SHOX: variants seen among roughly 807,000 people sequenced by gnomAD.
The protein encoded by SHOX is short stature homeobox protein.
In SHOX, 12 loss-of-function variants were observed where a neutral mutation model predicts 29.6. The observed-to-expected ratio is 0.41, with a 90% confidence interval of 0.26 to 0.66. SHOX has a LOEUF of 0.66. Ranked by LOEUF, SHOX falls within the 30% of genes least tolerant of loss-of-function variation. The probability of loss-of-function intolerance (pLI) is 0.35; values close to 1 mark genes in which losing one functional copy is unlikely to be tolerated. For synonymous variants in SHOX, 214 were observed against 200.6 expected (o/e 1.07, Z -0.57); for missense variants, 499 against 437.7 (o/e 1.14, Z -1.25).
Position 651,397 on chromosome X carries a change from A to G in SHOX, c.*6761A>G, listed in dbSNP as rs951815042. The G allele has an allele frequency of 6.9e-6, 3 of 436,112 alleles. No homozygotes were observed. 27.0% of individuals were successfully genotyped at this position (436,112 alleles called of 1,614,324 possible). A position where few individuals can be genotyped will look rare whatever the true frequency, so the allele number is the denominator to read the frequency against. ...GCAGGCGGTGAGGGGTAGAAAAAAA[A>G]CAAACAAACAAACAGAAAAAAAAAC... On this transcript the variant is annotated 3_prime_UTR_variant, in exon 5 of 5. Transcript: ENST00000686671.
At chrX:636,244 C>A (rs2052745525) in intron 2 of SHOX, among the ~76,000 whole-genome samples, 1 of 142,052 alleles carries the variant, frequency 7.0e-6, no homozygotes, top group Non-Finnish European at 1.5e-5. Context: ...AATCTATAAA[C>A]ATATATAATA....
intron 1 of SHOX, among the ~76,000 whole-genome samples, chrX:625,551 CCT>C (rs960443856): frequency 7.3e-5 from 11 of 150,030 alleles, no homozygotes; most frequent in African/African-American, 2.5e-4. Flanking sequence ...CTCTTTCTCT[CCT>C]CTGTCTCTCT....
In SHOX at chrX:644,832, A is replaced by C; in HGVS notation, c.*196A>C. Reference sequence around the variant, plus strand: ...GCACGACCCAGCCAGACCCTCGCGGAGATGGTGCAGAAGGCGGAGCGGGTG... The same window carrying C: ...GCACGACCCAGCCAGACCCTCGCGGCGATGGTGCAGAAGGCGGAGCGGGTG... On this transcript the variant is annotated 3_prime_UTR_variant, in exon 5 of 5. Coordinates refer to ENST00000686671, the MANE Select transcript of SHOX (RefSeq NM_000451.4). 1 of 700,472 alleles carries C rather than the reference A, an allele frequency of 1.4e-6. No homozygotes were observed. Among genetic ancestry groups the C allele is most frequent in the Non-Finnish European group, 2.1e-6 (1 of 478,576 alleles). 43.4% of individuals were successfully genotyped at this position (700,472 alleles called of 1,614,324 possible). A position where few individuals can be genotyped will look rare whatever the true frequency, so the allele number is the denominator to read the frequency against.
At chrX:625,205 TCCTCCTCCTCCTCCTCCTTCTC>T (rs1476712192) in intron 1 of SHOX, among the ~76,000 whole-genome samples, 2 of 82,778 alleles carry the variant, frequency 2.4e-5, no homozygotes, top group African/African-American at 5.0e-5. Context: ...CTCCTCCTTC[TCCTCCTCCTCCTCCTCCTTCTC>T]CCTCCTCCTC....
intron 2 of SHOX, 32 bp downstream of exon 2, chrX:634,858 G>A (rs1325381727): frequency 1.4e-5 from 22 of 1,543,830 alleles, no homozygotes; most frequent in East Asian, 2.4e-5. Context: ...CGGGGGGCCC[G>A]GAGCCATCGC....
chrX:644,648 G>GC lies in SHOX; in HGVS notation c.*18dup, dbSNP rs1363317245. 2.6e-5 allele frequency: 38 copies of GC among 1,446,048 alleles called. No individual in the cohort carries two copies. The highest frequency in any genetic ancestry group is 3.2e-5 in the Non-Finnish European group (35 of 1,108,896). 89.6% of individuals were successfully genotyped at this position (1,446,048 alleles called of 1,614,324 possible). On this transcript the variant is annotated 3_prime_UTR_variant, in exon 5 of 5. Transcript: ENST00000686671. ...CCCTGGGGCTCTGACCCGCCGCGCAGCCCCCCGCGCGCCCGGACTCCCGGG... is the reference window on the plus strand; with the variant it reads ...CCCTGGGGCTCTGACCCGCCGCGCAGCCCCCCCGCGCGCCCGGACTCCCGGG...
rs1002724877 is a variant in SHOX at position 645,003 on chromosome X, GTC to G, written c.*369_*370del. 118 of 244,058 alleles carry G rather than the reference GTC, an allele frequency of 4.8e-4. 1 individual carries two copies. The highest frequency in any genetic ancestry group is 1.7e-3 in the African/African-American group (75 of 44,654). The allele number at this position is 244,058 out of a possible 1,614,324, so 15.1% of individuals were successfully genotyped here. On this transcript the variant is annotated 3_prime_UTR_variant, in exon 5 of 5. Transcript: ENST00000686671. Reference sequence around the variant, plus strand: ...TACACACGTTTGGAAGATCCTTAGAGTCTATTGAAACTGCAAAGATCCCGGAG... The same window carrying G: ...TACACACGTTTGGAAGATCCTTAGAGTATTGAAACTGCAAAGATCCCGGAG...
At chrX:657,195 C>T (rs1244135590) in intron 5 of SHOX, among the ~76,000 whole-genome samples, 2 of 152,184 alleles carry the variant, frequency 1.3e-5, no homozygotes, top group Admixed American at 6.6e-5. Flanking sequence ...GCAATTCACA[C>T]AGAAATCAGT....
Position 644,519 on chromosome X carries a change from C to G in SHOX, c.762C>G (p.Ala254=). 3.3e-6 allele frequency: 5 copies of G among 1,519,506 alleles called. No individual in the cohort carries two copies. Among genetic ancestry groups the G allele is most frequent in the Non-Finnish European group, 4.4e-6 (5 of 1,140,400 alleles). 94.1% of individuals were successfully genotyped at this position (1,519,506 alleles called of 1,614,324 possible). The change falls in exon 5 of 5, where the codon GCC becomes GCG. Residue 254 remains alanine (A), a synonymous_variant. Transcript: ENST00000686671. The part of the protein sequence containing the change: ...PPFGLPIASL[A]ESASAAAVVA... ...TCGGGCTGCCCATCGCGTCGCTGGC[C>G]GAGTCCGCCTCGGCCGCCGCCGTGG...
Position 640,987 on chromosome X carries a change from C to G in SHOX, c.545-12C>G. On this transcript the variant is annotated splice_polypyrimidine_tract_variant and intron_variant, in intron 3 of 4. Coordinates refer to ENST00000686671, the MANE Select transcript of SHOX (RefSeq NM_000451.4). ...GGACCACCACACTGACACCTGCTCC[C>G]TTTGGACACAGGCGTCATCTTGGGC... 6.2e-7 allele frequency: 1 copy of G among 1,613,862 alleles called. No homozygotes were observed. The highest frequency in any genetic ancestry group is 8.5e-7 in the Non-Finnish European group (1 of 1,179,876).
intron 2 of SHOX, among the ~76,000 whole-genome samples, chrX:636,947 A>ATATATATATATATATATAT (rs1569494124): frequency 1.3e-5 from 1 of 78,954 alleles, no homozygotes; most frequent in African/African-American, 6.4e-5. Context: ...TTCATTTAAA[A>ATATATATATATATATATAT]ATATATATAT....
chrX:642,510 TCCAGCTCTCCCTGG>T (rs2052873968), intron 4 of SHOX, among the ~76,000 whole-genome samples: 1 of 152,170 alleles, frequency 6.6e-6, no homozygotes, highest in African/African-American at 2.4e-5. Context: ...CCGCTAGCTC[TCCAGCTCTCCCTGG>T]CCCAGGCCCG....
chrX:651,397 A>C lies in SHOX; in HGVS notation c.*6761A>C, dbSNP rs951815042. Reference sequence around the variant, plus strand: ...GCAGGCGGTGAGGGGTAGAAAAAAAACAAACAAACAAACAGAAAAAAAAAC... The same window carrying C: ...GCAGGCGGTGAGGGGTAGAAAAAAACCAAACAAACAAACAGAAAAAAAAAC... On this transcript the variant is annotated 3_prime_UTR_variant, in exon 5 of 5. Coordinates refer to ENST00000686671, the MANE Select transcript of SHOX (RefSeq NM_000451.4). 9 of 436,212 alleles carry C rather than the reference A, an allele frequency of 2.1e-5. No individual in the cohort carries two copies. The highest frequency in any genetic ancestry group is 6.9e-5 in the African/African-American group (3 of 43,232). The allele number at this position is 436,212 out of a possible 1,614,324, so 27.0% of individuals were successfully genotyped here.
At chrX:655,824 C>G (rs1438881432), downstream of SHOX, among the ~76,000 whole-genome samples, 8 of 152,078 alleles carry the variant, frequency 5.3e-5, no homozygotes, top group African/African-American at 1.9e-4. Flanking sequence ...TCCCATAAAA[C>G]TGCACTTCCA....
chrX:634,640 G>C lies in SHOX; in HGVS notation c.300G>C (p.Lys100Asn), dbSNP rs1358528513. Residue 100 changes from lysine to asparagine, a missense_variant, in exon 2 of 5, where the codon AAG becomes AAC. Physicochemically the swap from Lys to Asn is moderately conservative, Grantham distance 94 (BLOSUM62 0). Coordinates refer to ENST00000686671, the MANE Select transcript of SHOX (RefSeq NM_000451.4). ...VAEGIYECKEKREDVKSEDED... is the reference protein window; with the variant it reads ...VAEGIYECKENREDVKSEDED... ...CAGGGATTTATGAATGCAAAGAGAA[G>C]CGCGAGGACGTGAAGTCGGAGGACG... 1 of 1,613,844 alleles carries C rather than the reference G, an allele frequency of 6.2e-7. No individual in the cohort carries two copies. The highest frequency in any genetic ancestry group is 8.5e-7 in the Non-Finnish European group (1 of 1,179,872).
At position 645,390 on chromosome X, in the gene SHOX, A is replaced by ATTTTTTTTTTTTTTTT. The variant is rs1168989193; in HGVS notation, c.*772_*787dup. ...GGGTCTGGTTTTGTTTTGGATTGGT[A>ATTTTTTTTTTTTTTTT]TTTTTTTTTTTTTTTTTTTTTTTTT... On this transcript the variant is annotated 3_prime_UTR_variant, in exon 5 of 5. Coordinates refer to ENST00000686671, the MANE Select transcript of SHOX (RefSeq NM_000451.4). The ATTTTTTTTTTTTTTTT allele has an allele frequency of 1.5e-4, 12 of 78,356 alleles. 1 individual carries two copies. Among genetic ancestry groups the ATTTTTTTTTTTTTTTT allele is most frequent in the Non-Finnish European group, 1.9e-4 (8 of 42,268 alleles). 4.9% of individuals were successfully genotyped at this position (78,356 alleles called of 1,614,324 possible).
upstream of SHOX, among the ~76,000 whole-genome samples, chrX:627,469 T>C (rs945613978): frequency 2.0e-5 from 3 of 152,082 alleles, no homozygotes; most frequent in Non-Finnish European, 4.4e-5. Flanking sequence ...ACAGGAAGAG[T>C]TGGAGTTTTA....
chrX:642,032 G>A (rs1307064115), intron 4 of SHOX, among the ~76,000 whole-genome samples: 2 of 152,346 alleles, frequency 1.3e-5, no homozygotes, highest in East Asian at 3.9e-4. Flanking sequence ...GGTGCCCAGC[G>A]TGGATTTGGG....
upstream of SHOX, among the ~76,000 whole-genome samples, chrX:626,988 C>G (rs1448362208): frequency 6.6e-6 from 1 of 151,536 alleles, no homozygotes; most frequent in Non-Finnish European, 1.5e-5. Flanking sequence ...CTGTCTCTCT[C>G]TCTCTCCTCT....
Sources: allele counts gnomAD v4.1 joint callset (sites outside exome capture counted in the v4.1 genomes callset), GRCh38; gene constraint gnomAD v4.1.1; transcripts MANE v1.5; gene names NCBI Gene and HGNC (gene_info 2026-07-23, HGNC 2026-07-21).